PRDM16: variants seen among roughly 807,000 people sequenced by gnomAD.
PRDM16 encodes the protein histone-lysine N-methyltransferase PRDM16.
PRDM16 carries 23 observed loss-of-function variants against 110.6 expected under a neutral mutation model. The observed-to-expected ratio is 0.21, with a 90% confidence interval of 0.15 to 0.29. PRDM16 has a LOEUF of 0.29. PRDM16 is among the 10% of genes least tolerant of loss of function. The probability of loss-of-function intolerance (pLI) is 1.00; values close to 1 mark genes in which losing one functional copy is unlikely to be tolerated. For missense variants in PRDM16, 1,615 were observed against 1,794.3 expected (o/e 0.90, Z 1.81); for synonymous variants, 799 against 781.8 (o/e 1.02, Z -0.37).
intron 3 of PRDM16, among the ~76,000 whole-genome samples, chr1:3,336,768 G>T (rs1429536097): frequency 1.3e-5 from 2 of 152,078 alleles, no homozygotes; most frequent in Non-Finnish European, 2.9e-5. Flanking sequence ...ATGTGTGTTG[G>T]TGTGAATCTG....
rs1369525990 is a variant in PRDM16 at position 3,425,391 on chromosome 1, C to T, written c.2940-190C>T. 3.4e-6 allele frequency: 2 copies of T among 585,098 alleles called. No homozygotes were observed. The highest frequency in any genetic ancestry group is 4.6e-4 in the Middle Eastern group (1 of 2,152). 36.2% of individuals were successfully genotyped at this position (585,098 alleles called of 1,614,324 possible). ...CTGCTTCTTGAAGCCGGGGCTGTTT[C>T]TAGGGACAGCTTCCCCAGGATGCCT... On this transcript the variant is annotated intron_variant, in intron 12 of 16. Transcript: ENST00000270722. This position sits in a 1 kb window ranked among gnomAD's most constrained non-coding sequence, Gnocchi z 6.9.
intron 1 of PRDM16, among the ~76,000 whole-genome samples, chr1:3,113,478 G>A (rs961464482): frequency 2.0e-5 from 3 of 151,438 alleles, no homozygotes; most frequent in South Asian, 2.1e-4. Flanking sequence ...AGGAAGGCTC[G>A]GAGGAAGGAG....
At chr1:3,403,584 A>G (rs1643510614) in intron 6 of PRDM16, among the ~76,000 whole-genome samples, 2 of 152,214 alleles carry the variant, frequency 1.3e-5, no homozygotes, top group Admixed American at 6.5e-5. Flanking sequence ...CTTCAGAGAC[A>G]TGAGCGGGCC....
intron 3 of PRDM16, among the ~76,000 whole-genome samples, chr1:3,347,759 C>T (rs1642391974): frequency 6.6e-6 from 1 of 152,216 alleles, no homozygotes; most frequent in South Asian, 2.1e-4. Context: ...TGCGGGCTCC[C>T]CTGATCCAGA....
rs1279336769 is a variant in PRDM16 at position 3,371,178 on chromosome 1, TATCC to T, written c.439-13948_439-13945del. Among the ~76,000 whole-genome samples, 963 of 100,330 alleles carry T rather than the reference TATCC, an allele frequency of 9.6e-3. 30 individuals carry two copies. The highest frequency in any genetic ancestry group is 0.073 in the Admixed American group (736 of 10,030). 65.8% of individuals were successfully genotyped at this position (100,330 alleles called of 152,430 possible). A position where few individuals can be genotyped will look rare whatever the true frequency, so the allele number is the denominator to read the frequency against. ...TCCATCCACCCACCGATCCACCATC[TATCC>T]ATCCATCCATCCATCCATCCATCCA... is the stretch of plus-strand genomic sequence containing the variant. On this transcript the variant is annotated intron_variant, in intron 3 of 16. Transcript: ENST00000270722.
chr1:3,248,538 C>T (rs551747504), intron 3 of PRDM16, among the ~76,000 whole-genome samples: 1 of 152,300 alleles, frequency 6.6e-6, no homozygotes, highest in East Asian at 1.9e-4. Flanking sequence ...AAAAACGCAT[C>T]CACCCCAGCC....
chr1:3,289,864 G>T (rs545602553), intron 3 of PRDM16, among the ~76,000 whole-genome samples: 2 of 148,930 alleles, frequency 1.3e-5, no homozygotes, highest in Non-Finnish European at 3.0e-5. Context: ...TCCCTCCAGG[G>T]CACCGAGACC....
In PRDM16 at chr1:3,417,757, C is replaced by T. The variant is rs1638309207; in HGVS notation, c.2692-71C>T. Reference sequence around the variant, plus strand: ...TAAGATATGCTGTTGTACAGAACCCCCAGCAGTGCGTGCCCCTGAAGACAG... The same window carrying T: ...TAAGATATGCTGTTGTACAGAACCCTCAGCAGTGCGTGCCCCTGAAGACAG... On this transcript the variant is annotated intron_variant, in intron 10 of 16. Transcript: ENST00000270722. 3.0e-6 allele frequency: 4 copies of T among 1,312,280 alleles called. No individual in the cohort carries two copies. In the East Asian group the frequency reaches 9.2e-5, roughly 30 times the overall value. 81.3% of individuals were successfully genotyped at this position (1,312,280 alleles called of 1,614,324 possible).
At chr1:3,200,495 A>ATC in intron 2 of PRDM16, among the ~76,000 whole-genome samples, 1 of 152,258 alleles carries the variant, frequency 6.6e-6, no homozygotes, top group Non-Finnish European at 1.5e-5. Context: ...GGCGCCCGCC[A>ATC]CCACGCCTGG....
intron 14 of PRDM16, among the ~76,000 whole-genome samples, chr1:3,429,017 C>T (rs531496996): frequency 1.2e-3 from 179 of 152,360 alleles, no homozygotes; most frequent in African/African-American, 4.2e-3. Context: ...CCAAGGATGG[C>T]CAAGGAGGGC....
rs560125903 is a variant in PRDM16, at chr1:3,080,629, G to A, written c.37+11333G>A. 6.6e-6 allele frequency among the ~76,000 whole-genome samples: 1 copy of A among 152,220 alleles called. No individual in the cohort carries two copies. The highest frequency in any genetic ancestry group is 2.1e-4 in the South Asian group (1 of 4,822). ...ATCAACTCGGCTGACAATCCATTTT[G>A]CAAAAACGGGAGGCCCGGGCCCCTA... On this transcript the variant is annotated intron_variant, in intron 1 of 16. Coordinates refer to ENST00000270722, the MANE Select transcript of PRDM16 (RefSeq NM_022114.4). The surrounding 1 kb of genome is among the most constrained non-coding windows in gnomAD (Gnocchi z 5.2).
chr1:3,129,101 T>C (rs1367187306), intron 1 of PRDM16, among the ~76,000 whole-genome samples: 2 of 152,062 alleles, frequency 1.3e-5, no homozygotes, highest in African/African-American at 4.8e-5. Context: ...CTGGCTGGTG[T>C]GCGTGCATGG....
In PRDM16 at chr1:3,186,264, C is replaced by T; in HGVS notation, c.177C>T (p.Asp59=). 1 of 1,612,142 alleles carries T rather than the reference C, an allele frequency of 6.2e-7. No individual in the cohort carries two copies. Among genetic ancestry groups the T allele is most frequent in the Non-Finnish European group, 8.5e-7 (1 of 1,179,570 alleles). The change falls in exon 2 of 17, where the codon GAC becomes GAT. Residue 59 remains aspartate, a synonymous_variant. Transcript: ENST00000270722. ...GPPSPFPTSE[D]FTPKEGSPYE... ...CGTCCCCCTTCCCCACCAGCGAGGA[C>T]TTCACCCCCAAGGAGGGCTCGCCGT...
chr1:3,200,341 T>A (rs1349306685), intron 2 of PRDM16, among the ~76,000 whole-genome samples: 2 of 152,068 alleles, frequency 1.3e-5, no homozygotes. Flanking sequence ...GGTGGATTTT[T>A]TTTTTATTTT....
intron 1 of PRDM16, among the ~76,000 whole-genome samples, chr1:3,095,731 G>A (rs1240219723): frequency 6.6e-6 from 1 of 152,108 alleles, no homozygotes; most frequent in African/African-American, 2.4e-5. Context: ...TAGGATTTGA[G>A]GGGGGCAGGG....
At chr1:3,394,264 T>C (rs1643348260) in intron 4 of PRDM16, among the ~76,000 whole-genome samples, 1 of 150,638 alleles carries the variant, frequency 6.6e-6, no homozygotes, top group Admixed American at 6.6e-5. Flanking sequence ...TGGGAGTGTC[T>C]GTGGCCTGCA....
intron 1 of PRDM16, among the ~76,000 whole-genome samples, chr1:3,076,312 C>T (rs903185358): frequency 2.0e-5 from 3 of 152,198 alleles, no homozygotes; most frequent in Non-Finnish European, 4.4e-5. Flanking sequence ...GTGTGGGATA[C>T]GTGCTCCCTG....
At chr1:3,198,590 G>C (rs1276389682) in intron 2 of PRDM16, among the ~76,000 whole-genome samples, 1 of 152,192 alleles carries the variant, frequency 6.6e-6, no homozygotes, top group Non-Finnish European at 1.5e-5. Flanking sequence ...AGCTGGCTTG[G>C]TGAGTGGGCC....
intron 3 of PRDM16, among the ~76,000 whole-genome samples, chr1:3,321,730 C>T (rs192650178): frequency 8.1e-5 from 12 of 147,744 alleles, no homozygotes; most frequent in East Asian, 4.2e-4. Flanking sequence ...GTATGTGTGA[C>T]GTACATGTGT....
Sources: gnomAD v4.1 joint callset for allele counts (sites outside exome capture counted in the v4.1 genomes callset) on GRCh38, gnomAD v4.1.1 for gene constraint, Gnocchi (gnomAD v3.1) non-coding constraint, MANE v1.5 for transcripts, NCBI Gene and HGNC (gene_info 2026-07-23, HGNC 2026-07-21) for gene names.